The following ZNF426 variants were observed in gnomAD, a reference collection of about 807,000 sequenced individuals.
ZNF426 encodes the protein zinc finger protein 426.
Under a neutral mutation model 24.0 loss-of-function variants are expected in ZNF426, and 23 were observed. The observed-to-expected ratio is 0.96, with a 90% confidence interval of 0.69 to 1.36. ZNF426 has a LOEUF of 1.36. ZNF426 is among the 40% of genes most tolerant of loss of function. ZNF426 has a pLI of 0.00. For missense variants in ZNF426, 646 were observed against 658.4 expected, an observed-to-expected ratio of 0.98 and a Z score of 0.21; for synonymous variants, 272 against 224.6, an observed-to-expected ratio of 1.21 and a Z score of -1.89.
rs967377995 is a variant in ZNF426, at chr19:9,538,576, C to G, written c.-213G>C. On this transcript the variant is annotated splice_region_variant and 5_prime_UTR_variant, in exon 1 of 8. Coordinates refer to ENST00000253115, the MANE Select transcript of ZNF426 (RefSeq NM_024106.3). ...CCAGTTCATCTCCTCGGAACTCACC[C>G]AGGCCAGTGAGGCCTTAACTCTGAA... 3 of 152,284 alleles carry G rather than the reference C, an allele frequency of 2.0e-5. No homozygotes were observed. Among genetic ancestry groups the G allele is most frequent in the East Asian group, 1.9e-4 (1 of 5,192 alleles). The allele number at this position is 152,284 out of a possible 1,614,324, so 9.4% of individuals were successfully genotyped here.
chr19:9,523,468 T>C lies in ZNF426; in HGVS notation c.*4912A>G, dbSNP rs547418087. 2 of 152,344 alleles carry C rather than the reference T, an allele frequency of 1.3e-5. No homozygotes were observed. The highest frequency in any genetic ancestry group is 2.9e-5 in the Non-Finnish European group (2 of 68,030). The allele number at this position is 152,344 out of a possible 1,614,324, so 9.4% of individuals were successfully genotyped here. ...TATTGAATGAGGGCCCCATTCTAAC[T>C]GCCTCATTTTAAAATCACCTCTTTA... On this transcript the variant is annotated 3_prime_UTR_variant, in exon 8 of 8. Coordinates refer to ENST00000253115, the MANE Select transcript of ZNF426 (RefSeq NM_024106.3).
At position 9,529,314 on chromosome 19, in the gene ZNF426, C is replaced by A; in HGVS notation, c.731G>T (p.Arg244Ile). 2 of 1,614,090 alleles carry A rather than the reference C, an allele frequency of 1.2e-6. No homozygotes were observed. Among genetic ancestry groups the A allele is most frequent in the South Asian group, 1.1e-5 (1 of 91,046 alleles). ...GTAGAGTTTTTCTCCATTGTGAGTTCTCATATGTGCCTGAAGGTATGACTC... is the reference window on the plus strand; with the variant it reads ...GTAGAGTTTTTCTCCATTGTGAGTTATCATATGTGCCTGAAGGTATGACTC... ...INESYLQAHM[R>I]THNGEKLYEW... is the part of the protein sequence containing the mutation. The change falls in exon 8 of 8, where the codon AGA becomes ATA. Residue 244 changes from arginine to isoleucine, a missense_variant. Coordinates refer to ENST00000253115, the MANE Select transcript of ZNF426 (RefSeq NM_024106.3).
chr19:9,536,441 C>G, intron 2 of ZNF426, 85 bp from the exon 3 acceptor site: 2 of 1,350,336 alleles, frequency 1.5e-6, no homozygotes, highest in Non-Finnish European at 2.0e-6. Flanking sequence ...TAGCTCATGC[C>G]TGTAATCCCA....
At chr19:9,530,116 G>A (rs58101132) in intron 7 of ZNF426, among the ~76,000 whole-genome samples, 6,352 of 151,366 alleles carry the variant, frequency 0.042, 471 homozygotes, top group African/African-American at 0.15. Context: ...GCGAGACTCC[G>A]TCTCAAAATA....
At chr19:9,535,122 A>G in intron 4 of ZNF426, 66 bp downstream of exon 4, 2 of 1,053,956 alleles carry the variant, frequency 1.9e-6, no homozygotes, top group South Asian at 1.4e-5. Context: ...CTCTGCCTAG[A>G]GGGAAATGTG....
Position 9,528,326 on chromosome 19 carries a change from GTGA to G in ZNF426, c.*51_*53del. 1 of 1,494,336 alleles carries G rather than the reference GTGA, an allele frequency of 6.7e-7. No individual in the cohort carries two copies. The allele number at this position is 1,494,336 out of a possible 1,614,324, so 92.6% of individuals were successfully genotyped here. ...GAGTGAGTTCATTCATGTCTTTAAA[GTGA>G]ACTGGAACAAATGAGAGCTTTCCCA... On this transcript the variant is annotated 3_prime_UTR_variant, in exon 8 of 8. Transcript: ENST00000253115.
At chr19:9,535,088 A>AG in intron 4 of ZNF426, 100 bp downstream of exon 4, 1 of 936,218 alleles carries the variant, frequency 1.1e-6, no homozygotes, top group East Asian at 2.8e-5. Context: ...AAAAAAAAAA[A>AG]AAAAAAAAGA....
chr19:9,531,811 C>T (rs893040107), intron 6 of ZNF426, among the ~76,000 whole-genome samples: 5 of 152,050 alleles, frequency 3.3e-5, no homozygotes, highest in African/African-American at 9.7e-5. Context: ...GGTGAAACCC[C>T]GTCTCTACTA....
At chr19:9,535,476 C>T (rs1046481966) in intron 3 of ZNF426, among the ~76,000 whole-genome samples, 197 bp from the exon 4 acceptor site, 17 of 151,960 alleles carry the variant, frequency 1.1e-4, no homozygotes, top group African/African-American at 3.6e-4. Flanking sequence ...TTACTTTAGG[C>T]GAGAAGTTTG....
At chr19:9,533,085 C>T (rs1156861992) in intron 5 of ZNF426, among the ~76,000 whole-genome samples, 160 bp from the exon 6 acceptor site, 11 of 152,198 alleles carry the variant, frequency 7.2e-5, no homozygotes, top group Admixed American at 7.2e-4. Context: ...AGTCTGGTTA[C>T]TTCTGTCCCC....
At position 9,528,909 on chromosome 19, in the gene ZNF426, A is replaced by C; in HGVS notation, c.1136T>G (p.Leu379Arg). The C allele has an allele frequency of 2.5e-6, 4 of 1,614,038 alleles. No individual in the cohort carries two copies. Among genetic ancestry groups the C allele is most frequent in the Non-Finnish European group, 2.5e-6 (3 of 1,179,942 alleles). ...AGTGTGAGTTCTTATATGTTGAATA[A>C]GGCGTGAGGATGTAAGGAAGGATTT... is the stretch of plus-strand genomic sequence containing the variant. ...CGKSFLTSSR[L>R]IQHIRTHTGE... Residue 379 changes from leucine to arginine, a missense_variant, in exon 8 of 8, where the codon CTT becomes CGT. Physicochemically the swap from Leu to Arg is moderately radical, Grantham distance 102. Transcript: ENST00000253115.
At chr19:9,531,650 G>A (rs1433542084) in intron 6 of ZNF426, among the ~76,000 whole-genome samples, 11 of 152,076 alleles carry the variant, frequency 7.2e-5, no homozygotes, top group Non-Finnish European at 7.4e-5. Flanking sequence ...GAGAATCAGG[G>A]AATGAAAGTA....
chr19:9,527,899 G>A lies in ZNF426; in HGVS notation c.*481C>T, dbSNP rs187649381. The A allele has an allele frequency of 1.6e-3, 247 of 153,044 alleles. No homozygotes were observed. Among genetic ancestry groups the A allele is most frequent in the Non-Finnish European group, 3.1e-3 (216 of 68,808 alleles). The allele number at this position is 153,044 out of a possible 1,614,324, so 9.5% of individuals were successfully genotyped here. On this transcript the variant is annotated 3_prime_UTR_variant, in exon 8 of 8. Coordinates refer to ENST00000253115, the MANE Select transcript of ZNF426 (RefSeq NM_024106.3). ...GACTTCACATCATCTTCTATTTGTT[G>A]TCTCAGTTGTGTCTTTCTCTTCTTA...
At chr19:9,534,881 C>T (rs549087468) in intron 4 of ZNF426, among the ~76,000 whole-genome samples, 1 of 152,202 alleles carries the variant, frequency 6.6e-6, no homozygotes, top group African/African-American at 2.4e-5. Context: ...GGGTGTAAGC[C>T]ACCATGCCCG....
At position 9,535,090 on chromosome 19, in the gene ZNF426, AAAAAAAG is replaced by A; in HGVS notation, c.117+91_117+97del. 7 of 962,368 alleles carry A rather than the reference AAAAAAAG, an allele frequency of 7.3e-6. No individual in the cohort carries two copies. In the African/African-American group the frequency reaches 8.5e-5, roughly 12 times the overall value. 59.6% of individuals were successfully genotyped at this position (962,368 alleles called of 1,614,324 possible). ...GAGACTCCCTCTCAAAAAAAAAAAA[AAAAAAAG>A]AAGTCTGGAGACAACTCTGCCTAGA... On this transcript the variant is annotated intron_variant, in intron 4 of 7. Transcript: ENST00000253115.
intron 4 of ZNF426, 102 bp from the exon 5 acceptor site, chr19:9,534,068 G>A: frequency 6.7e-7 from 1 of 1,501,610 alleles, no homozygotes; most frequent in Non-Finnish European, 8.9e-7. Context: ...GGATTCCAAG[G>A]GCTGCAGTGA....
Position 9,528,865 on chromosome 19 carries a change from A to G in ZNF426, c.1180T>C (p.Cys394Arg). 1 of 1,614,242 alleles carries G rather than the reference A, an allele frequency of 6.2e-7. No individual in the cohort carries two copies. The highest frequency in any genetic ancestry group is 8.5e-7 in the Non-Finnish European group (1 of 1,180,042). Residue 394 changes from cysteine (C) to arginine (R), a missense_variant, in exon 8 of 8, where the codon TGT becomes CGT. Transcript: ENST00000253115. ...RTHTGEKPFV[C>R]VECGKAFAVS... ...GCAAAGGCTTTCCCACATTCAACAC[A>G]TACAAAAGGCTTCTCTCCAGTGTGA...
rs1409531091 is a variant in ZNF426, at chr19:9,529,103, C to G, written c.942G>C (p.Gly314=). ...ATGAGTTGGAATAATTGAAGGCTTTCCCACATTCCTTACATTCATATGGTT... is the reference window on the plus strand; with the variant it reads ...ATGAGTTGGAATAATTGAAGGCTTTGCCACATTCCTTACATTCATATGGTT... ...GEKPYECKEC[G]KAFNYSNSFQ... The change falls in exon 8 of 8, where the codon GGG becomes GGC. Residue 314 remains glycine (G), a synonymous_variant. Transcript: ENST00000253115. 1 of 1,613,942 alleles carries G rather than the reference C, an allele frequency of 6.2e-7. No individual in the cohort carries two copies. Among genetic ancestry groups the G allele is most frequent in the South Asian group, 1.1e-5 (1 of 91,010 alleles).
intron 6 of ZNF426, among the ~76,000 whole-genome samples, 191 bp from the exon 7 acceptor site, chr19:9,531,258 A>G (rs1323936771): frequency 6.6e-5 from 10 of 152,124 alleles, no homozygotes; most frequent in Non-Finnish European, 1.3e-4. Context: ...GGTGGTGAGC[A>G]CCTGCAATCC....
Sources: gnomAD v4.1 joint callset for allele counts (sites outside exome capture counted in the v4.1 genomes callset) on GRCh38, gnomAD v4.1.1 for gene constraint, MANE v1.5 for transcripts, NCBI Gene and HGNC (gene_info 2026-07-23, HGNC 2026-07-21) for gene names.